Variants in MGAT4C observed in about 807,000 individuals in gnomAD.
MGAT4C encodes MGAT4 family member C, also known as alpha-1,3-mannosyl-glycoprotein 4-beta-N-acetylglucosaminyltransferase C.
Under a neutral mutation model 40.1 loss-of-function variants are expected in MGAT4C, and 19 were observed. The observed-to-expected ratio is 0.47, with a 90% CI of 0.33 to 0.70. The LOEUF is 0.70. Among genes scored for constraint, MGAT4C ranks in the 30% least tolerant of loss-of-function variants. MGAT4C has a pLI of 0.02. For missense variants in MGAT4C, 491 were observed against 563.2 expected (o/e 0.87, Z 1.30); for synonymous variants, 181 against 187.1 (o/e 0.97, Z 0.27).
intron 1 of MGAT4C, among the ~76,000 whole-genome samples, chr12:86,153,536 T>A (rs1398140774): frequency 6.6e-6 from 1 of 152,172 alleles, no homozygotes; most frequent in Non-Finnish European, 1.5e-5. Context: ...CCCACCCAAA[T>A]CTTATCTCTC....
chr12:86,002,639 A>C (rs1887448425), intron 2 of MGAT4C, among the ~76,000 whole-genome samples: 1 of 150,134 alleles, frequency 6.7e-6, no homozygotes, highest in Non-Finnish European at 1.5e-5. Flanking sequence ...ATATAGGTAT[A>C]GAATATACAT....
chr12:86,477,625 T>C (rs1299581863), intron 2 of MGAT4C, among the ~76,000 whole-genome samples: 1 of 152,176 alleles, frequency 6.6e-6, no homozygotes, highest in Non-Finnish European at 1.5e-5. Flanking sequence ...CTTTGAGTTC[T>C]AGGGTACATG....
chr12:86,446,042 C>T (rs138913195), intron 2 of MGAT4C, among the ~76,000 whole-genome samples: 8 of 152,012 alleles, frequency 5.3e-5, no homozygotes, highest in African/African-American at 9.6e-5. Flanking sequence ...ATGTGTTATG[C>T]TTCAGTAAAA....
At chr12:86,134,712 A>G in intron 1 of MGAT4C, among the ~76,000 whole-genome samples, 1 of 152,150 alleles carries the variant, frequency 6.6e-6, no homozygotes, top group Non-Finnish European at 1.5e-5. Context: ...AAAGCATAAT[A>G]AAAGCCTCTC....
At chr12:86,003,814 T>TC (rs1433591863) in intron 2 of MGAT4C, among the ~76,000 whole-genome samples, 1 of 87,656 alleles carries the variant, frequency 1.1e-5, no homozygotes, top group African/African-American at 3.3e-5. Flanking sequence ...CAAAACTAGA[T>TC]TTTTTTTTCT....
At chr12:86,685,760 T>C (rs1248925690) in intron 2 of MGAT4C, among the ~76,000 whole-genome samples, 1 of 152,230 alleles carries the variant, frequency 6.6e-6, no homozygotes, top group African/African-American at 2.4e-5. Flanking sequence ...GCTTGTAAGT[T>C]GTATTCTTAG....
At chr12:86,264,480 G>T (rs774227208) in intron 4 of MGAT4C, among the ~76,000 whole-genome samples, 63 of 152,284 alleles carry the variant, frequency 4.1e-4, no homozygotes, top group Non-Finnish European at 7.9e-4. Flanking sequence ...GGGAGGCGGG[G>T]AGGGGGCTGC....
intron 2 of MGAT4C, among the ~76,000 whole-genome samples, chr12:86,479,378 T>G (rs1166004500): frequency 6.6e-6 from 1 of 152,010 alleles, no homozygotes; most frequent in Non-Finnish European, 1.5e-5. Flanking sequence ...TGGTTTAAAG[T>G]ATAGTCATGA....
At chr12:86,721,625 C>T (rs922803762) in intron 2 of MGAT4C, among the ~76,000 whole-genome samples, 2 of 151,930 alleles carry the variant, frequency 1.3e-5, no homozygotes, top group Non-Finnish European at 2.9e-5. Flanking sequence ...TTACAAAGTC[C>T]CTTAGTGAGG....
chr12:86,333,688 C>A (rs920699227), intron 4 of MGAT4C, among the ~76,000 whole-genome samples: 1 of 151,984 alleles, frequency 6.6e-6, no homozygotes, highest in Non-Finnish European at 1.5e-5. Context: ...AGTATTTAGG[C>A]ATATTAGTCA....
At chr12:86,059,349 G>A (rs567610897) in intron 1 of MGAT4C, among the ~76,000 whole-genome samples, 21 of 152,144 alleles carry the variant, frequency 1.4e-4, no homozygotes, top group Non-Finnish European at 1.6e-4. Flanking sequence ...GCCTTAACAT[G>A]TCTTCTTAAT....
chr12:86,710,068 A>G (rs1265174437), intron 2 of MGAT4C, among the ~76,000 whole-genome samples: 1 of 152,188 alleles, frequency 6.6e-6, no homozygotes, highest in Non-Finnish European at 1.5e-5. Flanking sequence ...ACTAATTTCT[A>G]CTTCTATCCC....
rs71078910 is a variant in MGAT4C, at chr12:86,566,531, CATATATATATAT to C, written c.-228-131278_-228-131267del. On this transcript the variant is annotated intron_variant, in intron 2 of 7. Coordinates refer to the MGAT4C transcript ENST00000548651. ...AGTTAATACTTAGTAAACTCATATA[CATATATATATAT>C]ATATATATATATATATATATATATA... 4.1e-3 allele frequency among the ~76,000 whole-genome samples: 163 copies of C among 39,856 alleles called. 1 individual carries two copies. Among genetic ancestry groups the C allele is most frequent in the Middle Eastern group, 0.029 (1 of 34 alleles). The allele number at this position is 39,856 out of a possible 152,430, so 26.1% of individuals were successfully genotyped here.
At chr12:86,641,556 A>G (rs1412997165) in intron 2 of MGAT4C, among the ~76,000 whole-genome samples, 1 of 151,762 alleles carries the variant, frequency 6.6e-6, no homozygotes, top group Non-Finnish European at 1.5e-5. Context: ...AAAATAAAAG[A>G]ATTCTAAGGA....
chr12:86,782,676 T>G (rs1461219636), intron 1 of MGAT4C, among the ~76,000 whole-genome samples: 1 of 152,080 alleles, frequency 6.6e-6, no homozygotes, highest in Non-Finnish European at 1.5e-5. Flanking sequence ...ACATAAGGCC[T>G]TTAAGGAGAT....
At chr12:86,477,275 ATTAGAGGCCATTATC>A (rs1957852238) in intron 2 of MGAT4C, among the ~76,000 whole-genome samples, 1 of 152,046 alleles carries the variant, frequency 6.6e-6, no homozygotes, top group African/African-American at 2.4e-5. Flanking sequence ...CATGAATGAA[ATTAGAGGCCATTATC>A]ATAAGATAAT....
chr12:86,347,400 T>C (rs971278113), intron 3 of MGAT4C, among the ~76,000 whole-genome samples: 4 of 152,156 alleles, frequency 2.6e-5, no homozygotes, highest in African/African-American at 9.7e-5. Flanking sequence ...AATATGAGTA[T>C]TTGATCACTG....
intron 1 of MGAT4C, among the ~76,000 whole-genome samples, chr12:86,234,833 C>T (rs1951464397): frequency 6.6e-6 from 1 of 152,070 alleles, no homozygotes. Flanking sequence ...AACCAATCAA[C>T]ATTTCTCAGT....
At chr12:86,714,611 C>G (rs2136636314) in intron 2 of MGAT4C, among the ~76,000 whole-genome samples, 1 of 152,136 alleles carries the variant, frequency 6.6e-6, no homozygotes, top group East Asian at 1.9e-4. Context: ...TAAGACATAC[C>G]TTTCGCCTTC....
Sources: gnomAD v4.1 joint callset for allele counts (sites outside exome capture counted in the v4.1 genomes callset) on GRCh38, gnomAD v4.1.1 for gene constraint, MANE v1.5 for transcripts, NCBI Gene and HGNC (gene_info 2026-07-23, HGNC 2026-07-21) for gene names.